Variants in CD300E observed in about 807,000 individuals in gnomAD.
CD300E encodes the protein CD300e molecule.
In CD300E, 14 loss-of-function variants were observed where a neutral mutation model predicts 20.9. That is an observed-to-expected ratio of 0.67 (90% CI 0.44 to 1.05). The LOEUF (loss-of-function observed/expected upper bound fraction) is 1.05, where lower values mean the gene tolerates loss of function less well. CD300E is among the 50% of genes least tolerant of loss of function. CD300E has a pLI of 0.00. For synonymous variants in CD300E, 102 were observed against 103.7 expected, an observed-to-expected ratio of 0.98 and a Z score of 0.10; for missense variants, 237 against 253.9, an observed-to-expected ratio of 0.93 and a Z score of 0.45.
At position 74,617,322 on chromosome 17, in the gene CD300E, C is replaced by G; in HGVS notation, c.184G>C (p.Val62Leu). 6.2e-7 allele frequency: 1 copy of G among 1,614,200 alleles called. No individual in the cohort carries two copies. Among genetic ancestry groups the G allele is most frequent in the Non-Finnish European group, 8.5e-7 (1 of 1,180,042 alleles). ...GQYDTSCESI[V>L]ETKGEEKVER... ...ACCTTCTCTTCTCCCTTGGTCTCCA[C>G]AATGCTCTCACATGACGTGTCGTAC... The change falls in exon 2 of 4, where the codon GTG becomes CTG. Residue 62 changes from valine to leucine, a missense_variant. Transcript: ENST00000392619.
Position 74,617,481 on chromosome 17 carries a change from C to T in CD300E, c.41-16G>A, listed in dbSNP as rs1347310536. 6.2e-7 allele frequency: 1 copy of T among 1,600,078 alleles called. No individual in the cohort carries two copies. Among genetic ancestry groups the T allele is most frequent in the Non-Finnish European group, 8.5e-7 (1 of 1,173,852 alleles). On this transcript the variant is annotated splice_polypyrimidine_tract_variant and intron_variant, in intron 1 of 3. Transcript: ENST00000392619. ...GACAAACAGCCTGGAAAACACAAGCCCGAGTCCCAAGTCTCCATCCAGATG... is the reference window on the plus strand; with the variant it reads ...GACAAACAGCCTGGAAAACACAAGCTCGAGTCCCAAGTCTCCATCCAGATG...
rs569962022 is a variant in CD300E at position 74,622,387 on chromosome 17, T to C, written c.40+1195A>G. ...GCTTTGGGAGGTCAAGAGAGGAGGA[T>C]TGCTTGAGCCCACGAGTTTGGGTCC... On this transcript the variant is annotated intron_variant, in intron 1 of 3. Transcript: ENST00000392619. Among the ~76,000 whole-genome samples the C allele has an allele frequency of 2.1e-4, 32 of 152,076 alleles. 1 individual carries two copies. The highest frequency in any genetic ancestry group is 3.4e-3 in the Middle Eastern group (1 of 294).
At position 74,610,333 on chromosome 17, in the gene CD300E, T is replaced by C. The variant is rs1313401654; in HGVS notation, c.*2320A>G. 1 of 152,418 alleles carries C rather than the reference T, an allele frequency of 6.6e-6. No individual in the cohort carries two copies. Among genetic ancestry groups the C allele is most frequent in the Admixed American group, 6.5e-5 (1 of 15,284 alleles). The allele number at this position is 152,418 out of a possible 1,614,324, so 9.4% of individuals were successfully genotyped here. A position where few individuals can be genotyped will look rare whatever the true frequency, so the allele number is the denominator to read the frequency against. On this transcript the variant is annotated 3_prime_UTR_variant, in exon 4 of 4. Coordinates refer to ENST00000392619, the MANE Select transcript of CD300E (RefSeq NM_181449.3). ...CCTTGGTTCTGAACTCTTCCCTCCA[T>C]GTTTTCACTTCTTGCTGGGTTCCAG...
chr17:74,618,315 T>C (rs988276990), intron 1 of CD300E, among the ~76,000 whole-genome samples: 1 of 152,162 alleles, frequency 6.6e-6, no homozygotes, highest in African/African-American at 2.4e-5. Flanking sequence ...GAGGCTTTGT[T>C]TGAACTTGAG....
chr17:74,619,599 T>C (rs2143369105), intron 1 of CD300E, among the ~76,000 whole-genome samples: 1 of 151,898 alleles, frequency 6.6e-6, no homozygotes, highest in South Asian at 2.1e-4. Flanking sequence ...GTTTCACTCC[T>C]CCTCTCAATC....
In CD300E at chr17:74,612,247, G is replaced by GTCTCTCTCTCTCTCTCTCTCTCTGTC; in HGVS notation, c.*405_*406insGACAGAGAGAGAGAGAGAGAGAGAGA. Reference sequence around the variant, plus strand: ...TCGCTCTCTCTCTCTCTCTCTCTCTGTCTCTCTCTCTCTCTCTCTCTCTCT... The same window carrying GTCTCTCTCTCTCTCTCTCTCTCTGTC: ...TCGCTCTCTCTCTCTCTCTCTCTCTGTCTCTCTCTCTCTCTCTCTCTCTGTCTCTCTCTCTCTCTCTCTCTCTCTCT... On this transcript the variant is annotated 3_prime_UTR_variant, in exon 4 of 4. Coordinates refer to ENST00000392619, the MANE Select transcript of CD300E (RefSeq NM_181449.3). The GTCTCTCTCTCTCTCTCTCTCTCTGTC allele has an allele frequency of 9.7e-6, 1 of 103,230 alleles. No individual in the cohort carries two copies. Among genetic ancestry groups the GTCTCTCTCTCTCTCTCTCTCTCTGTC allele is most frequent in the East Asian group, 3.3e-4 (1 of 2,998 alleles). 6.4% of individuals were successfully genotyped at this position (103,230 alleles called of 1,614,324 possible).
At chr17:74,617,514 C>T (rs767186787) in intron 1 of CD300E, 49 bp from the exon 2 acceptor site, 12 of 1,484,894 alleles carry the variant, frequency 8.1e-6, no homozygotes, top group Non-Finnish European at 1.0e-5. Flanking sequence ...ATGGCCCCAT[C>T]AGCAGCCGTC....
chr17:74,613,856 GCCACCC>G, intron 3 of CD300E, 63 bp downstream of exon 3: 1 of 983,950 alleles, frequency 1.0e-6, no homozygotes, highest in Non-Finnish European at 1.6e-6. Flanking sequence ...GTCACGGTGC[GCCACCC>G]CCACCCCCCA....
Position 74,612,699 on chromosome 17 carries a change from G to C in CD300E, c.572C>G (p.Ala191Gly). ...CTGAGGCCTGTTCACCCAGAAGACA[G>C]CACCCAGCATGCTCAGGAGCAGGGG... ...KLPLLLSMLG[A>G]VFWVNRPQWA... Residue 191 changes from alanine (A) to glycine (G), a missense_variant, in exon 4 of 4, where the codon GCT becomes GGT. By Grantham distance (60) the Ala-to-Gly change is moderately conservative. Transcript: ENST00000392619. The C allele has an allele frequency of 6.2e-7, 1 of 1,613,966 alleles. No homozygotes were observed. Among genetic ancestry groups the C allele is most frequent in the Non-Finnish European group, 8.5e-7 (1 of 1,179,988 alleles).
intron 2 of CD300E, among the ~76,000 whole-genome samples, chr17:74,615,507 A>G (rs991336747): frequency 6.6e-6 from 1 of 152,200 alleles, no homozygotes; most frequent in African/African-American, 2.4e-5. Context: ...AGGTAGATGT[A>G]TGGGAGAGTA....
chr17:74,619,191 T>C (rs1412593049), intron 1 of CD300E: 1 of 468,456 alleles, frequency 2.1e-6, no homozygotes, highest in Admixed American at 2.4e-5. Flanking sequence ...GGACTGCATT[T>C]CCCACAGTGG....
rs2030759687 is a variant in CD300E at position 74,610,792 on chromosome 17, A to G, written c.*1861T>C. On this transcript the variant is annotated 3_prime_UTR_variant, in exon 4 of 4. Coordinates refer to ENST00000392619, the MANE Select transcript of CD300E (RefSeq NM_181449.3). ...ATTGGAATCTTAGACACATCCTACC[A>G]TGAGCATCTGTATGTGAACAGTACA... The G allele has an allele frequency of 1.3e-5, 2 of 152,242 alleles. No individual in the cohort carries two copies. Among genetic ancestry groups the G allele is most frequent in the Non-Finnish European group, 2.9e-5 (2 of 68,054 alleles). The allele number at this position is 152,242 out of a possible 1,614,324, so 9.4% of individuals were successfully genotyped here.
At chr17:74,623,530 T>C in intron 1 of CD300E, 52 bp downstream of exon 1, 1 of 1,584,762 alleles carries the variant, frequency 6.3e-7, no homozygotes, top group Non-Finnish European at 8.7e-7. Context: ...CTCTTCTACC[T>C]ACTGTCCTGC....
chr17:74,620,640 CAAA>C (rs34942098), intron 1 of CD300E, among the ~76,000 whole-genome samples: 1 of 127,294 alleles, frequency 7.9e-6, no homozygotes, highest in Admixed American at 7.9e-5. Context: ...AGACTCCGGC[CAAA>C]AAAAAAAAAG....
intron 1 of CD300E, chr17:74,619,154 C>T (rs12950039): frequency 0.42 from 199,672 of 470,582 alleles, 43,124 homozygotes; most frequent in Non-Finnish European, 0.47. Context: ...CCAGCAGCAC[C>T]TCCTTCTAGG....
intron 1 of CD300E, among the ~76,000 whole-genome samples, chr17:74,619,625 T>TACAC (rs992348148): frequency 1.3e-5 from 2 of 149,602 alleles, no homozygotes; most frequent in African/African-American, 2.5e-5. Context: ...CACACACACA[T>TACAC]ACACACACAC....
chr17:74,612,240 T>TCG lies in CD300E; in HGVS notation c.*412_*413insCG, dbSNP rs1437078933. On this transcript the variant is annotated 3_prime_UTR_variant, in exon 4 of 4. Transcript: ENST00000392619. ...CTCTCTCTCGCTCTCTCTCTCTCTC[T>TCG]CTCTCTGTCTCTCTCTCTCTCTCTC... 7.7e-6 allele frequency: 1 copy of TCG among 129,036 alleles called. No homozygotes were observed. The highest frequency in any genetic ancestry group is 1.6e-5 in the Non-Finnish European group (1 of 63,360). The allele number at this position is 129,036 out of a possible 1,614,324, so 8.0% of individuals were successfully genotyped here.
chr17:74,612,296 G>T lies in CD300E; in HGVS notation c.*357C>A. The T allele has an allele frequency of 6.1e-6, 1 of 163,364 alleles. No individual in the cohort carries two copies. Among genetic ancestry groups the T allele is most frequent in the Non-Finnish European group, 1.3e-5 (1 of 78,070 alleles). 10.1% of individuals were successfully genotyped at this position (163,364 alleles called of 1,614,324 possible). On this transcript the variant is annotated 3_prime_UTR_variant, in exon 4 of 4. Transcript: ENST00000392619. ...CTCTCTCTGAGACAGGGCTCTCTAT[G>T]TTGCCCAGGCTGGCCTGGAACTCTT... is the stretch of plus-strand genomic sequence containing the variant.
At chr17:74,622,777 C>T (rs2031048093) in intron 1 of CD300E, among the ~76,000 whole-genome samples, 1 of 151,986 alleles carries the variant, frequency 6.6e-6, no homozygotes, top group Non-Finnish European at 1.5e-5. Context: ...CTCTATCACC[C>T]AGGCCAGACT....
Sources: gnomAD v4.1 joint callset for allele counts (sites outside exome capture counted in the v4.1 genomes callset) on GRCh38, gnomAD v4.1.1 for gene constraint, MANE v1.5 for transcripts, NCBI Gene and HGNC (gene_info 2026-07-23, HGNC 2026-07-21) for gene names.